The following MYT1L variants were observed in gnomAD, a reference collection of about 807,000 sequenced individuals.
The protein encoded by MYT1L is myelin transcription factor 1-like protein.
In MYT1L, 12 loss-of-function variants were observed where a neutral mutation model predicts 126.7. The observed-to-expected ratio is 0.09, with a 90% confidence interval of 0.06 to 0.15. The LOEUF is 0.15. Ranked by LOEUF, MYT1L falls within the 10% of genes least tolerant of loss-of-function variation. MYT1L has a pLI of 1.00. For synonymous variants in MYT1L, 541 were observed against 604.2 expected (o/e 0.90, Z 1.53); for missense variants, 979 against 1,585.2 (o/e 0.62, Z 6.49).
intron 4 of MYT1L, among the ~76,000 whole-genome samples, chr2:2,027,855 G>A (rs895072765): frequency 5.3e-5 from 8 of 152,110 alleles, no homozygotes; most frequent in African/African-American, 1.7e-4. Flanking sequence ...AGTGGCCAAG[G>A]GCTCCTGCAG....
chr2:2,164,828 T>C (rs556312631), intron 3 of MYT1L, among the ~76,000 whole-genome samples: 1 of 152,208 alleles, frequency 6.6e-6, no homozygotes, highest in Non-Finnish European at 1.5e-5. Context: ...AGGACTGCAT[T>C]CCATGTACAC....
chr2:2,119,640 G>A (rs916801282), intron 3 of MYT1L, among the ~76,000 whole-genome samples: 1 of 152,178 alleles, frequency 6.6e-6, no homozygotes, highest in South Asian at 2.1e-4. Flanking sequence ...CTCAGCCCAG[G>A]TTTAACCTCA....
intron 3 of MYT1L, among the ~76,000 whole-genome samples, chr2:2,119,885 C>G (rs1010290477): frequency 1.3e-5 from 2 of 151,950 alleles, no homozygotes; most frequent in Non-Finnish European, 2.9e-5. Flanking sequence ...AGCTATCTTA[C>G]GTCACTTACA....
chr2:2,234,010 G>A (rs1477189943), intron 2 of MYT1L, among the ~76,000 whole-genome samples: 1 of 152,216 alleles, frequency 6.6e-6, no homozygotes, highest in Non-Finnish European at 1.5e-5. Flanking sequence ...ATAAGTCCAT[G>A]CTTGTTTTGT....
intron 14 of MYT1L, among the ~76,000 whole-genome samples, chr2:1,896,180 A>C (rs919477301): frequency 6.6e-6 from 1 of 152,214 alleles, no homozygotes; most frequent in Non-Finnish European, 1.5e-5. Context: ...TTAAAAAGCC[A>C]AAAACAGCAG....
intron 23 of MYT1L, among the ~76,000 whole-genome samples, chr2:1,796,879 C>G (rs1049722658): frequency 2.0e-5 from 3 of 152,172 alleles, no homozygotes; most frequent in African/African-American, 7.2e-5. Context: ...ATGCCGCTTG[C>G]CCAGGCCGTG....
rs1170387672 is a variant in MYT1L at position 1,912,933 on chromosome 2, G to A, written c.1619-823C>T. On this transcript the variant is annotated intron_variant, in intron 11 of 24. Coordinates refer to ENST00000647738, the MANE Select transcript of MYT1L (RefSeq NM_001303052.2). This position sits in a 1 kb window ranked among gnomAD's most constrained non-coding sequence, Gnocchi z 4.3. ...CTGGGTTCTGGGGGAAGGTTAGCAG[G>A]GACGAAGGGACCCCCACACGGACCC... Among the ~76,000 whole-genome samples the A allele has an allele frequency of 1.3e-5, 2 of 152,096 alleles. No individual in the cohort carries two copies. The highest frequency in any genetic ancestry group is 4.8e-5 in the African/African-American group (2 of 41,406).
intron 3 of MYT1L, among the ~76,000 whole-genome samples, chr2:2,159,118 G>T (rs745573353): frequency 6.6e-6 from 1 of 152,174 alleles, no homozygotes; most frequent in Non-Finnish European, 1.5e-5. Context: ...CCGGCACGGG[G>T]ACATGTGAAG....
intron 4 of MYT1L, among the ~76,000 whole-genome samples, chr2:2,033,610 A>G (rs1474697263): frequency 6.6e-6 from 1 of 151,848 alleles, no homozygotes; most frequent in Non-Finnish European, 1.5e-5. Flanking sequence ...AGGAACAAAC[A>G]TTAAAAAAAA....
intron 8 of MYT1L, among the ~76,000 whole-genome samples, chr2:1,962,914 T>C (rs1273611072): frequency 6.6e-6 from 1 of 152,246 alleles, no homozygotes; most frequent in African/African-American, 2.4e-5. Flanking sequence ...TTCCAAATTC[T>C]TGTTAATGTT....
rs553328647 is a variant in MYT1L at position 1,944,035 on chromosome 2, C to T, written c.153-701G>A. On this transcript the variant is annotated intron_variant, in intron 8 of 24. Coordinates refer to ENST00000647738, the MANE Select transcript of MYT1L (RefSeq NM_001303052.2). ...CCACTAAATCACGCTGAAATTGGCC[C>T]AGGCTTGGATGAGACCCTTCCTTAC... is the stretch of plus-strand genomic sequence containing the variant. Among the ~76,000 whole-genome samples, 9 of 152,258 alleles carry T rather than the reference C, an allele frequency of 5.9e-5. 1 individual carries two copies. The South Asian group carries it at 1.9e-3, about 32-fold the overall frequency.
chr2:2,142,907 A>C (rs1268920484), intron 3 of MYT1L, among the ~76,000 whole-genome samples: 1 of 151,634 alleles, frequency 6.6e-6, no homozygotes, highest in Non-Finnish European at 1.5e-5. Context: ...GGGTGGTCTC[A>C]AACTCCTGAC....
chr2:2,073,778 C>T (rs757454512), intron 3 of MYT1L, among the ~76,000 whole-genome samples: 2 of 152,176 alleles, frequency 1.3e-5, no homozygotes, highest in Non-Finnish European at 2.9e-5. Context: ...AGCGTTCTTT[C>T]TCCCTCCCAC....
chr2:2,211,991 G>C (rs886321079), intron 2 of MYT1L, among the ~76,000 whole-genome samples: 1 of 151,954 alleles, frequency 6.6e-6, no homozygotes, highest in Non-Finnish European at 1.5e-5. Flanking sequence ...GCAATACAGA[G>C]CAGAATGCCA....
chr2:2,265,876 G>A (rs1254757677), intron 2 of MYT1L, among the ~76,000 whole-genome samples: 5 of 152,308 alleles, frequency 3.3e-5, no homozygotes, highest in Non-Finnish European at 5.9e-5. Context: ...AAGGAGGCAT[G>A]GATGGAGGGA....
chr2:2,109,538 T>C (rs2079128785), intron 3 of MYT1L, among the ~76,000 whole-genome samples: 1 of 151,962 alleles, frequency 6.6e-6, no homozygotes, highest in South Asian at 2.1e-4. Context: ...GCCCTTTCTT[T>C]AGCTTTCTTA....
Position 2,080,756 on chromosome 2 carries a change from T to C in MYT1L, c.-303-26633A>G, listed in dbSNP as rs147290153. Among the ~76,000 whole-genome samples the C allele has an allele frequency of 2.4e-4, 36 of 152,340 alleles. 1 individual carries two copies. The East Asian group carries it at 5.2e-3, about 22-fold the overall frequency. On this transcript the variant is annotated intron_variant, in intron 3 of 24. Coordinates refer to ENST00000647738, the MANE Select transcript of MYT1L (RefSeq NM_001303052.2). ...AACTCTCATACATTGCAGGTGGGAA[T>C]ATAAAATATTGCAGCTACTTTGACA...
intron 8 of MYT1L, among the ~76,000 whole-genome samples, chr2:1,945,759 A>G (rs575989635): frequency 8.5e-5 from 13 of 152,354 alleles, no homozygotes; most frequent in Admixed American, 3.9e-4. Context: ...GATAATAACA[A>G]GAAACTTTTG....
At chr2:2,166,210 G>A (rs1279218416) in intron 3 of MYT1L, among the ~76,000 whole-genome samples, 2 of 151,378 alleles carry the variant, frequency 1.3e-5, no homozygotes, top group Non-Finnish European at 2.9e-5. Context: ...CTCTCCCACC[G>A]TTATAAACTC....
Sources: allele counts gnomAD v4.1 joint callset (sites outside exome capture counted in the v4.1 genomes callset), GRCh38; gene constraint gnomAD v4.1.1; non-coding constraint Gnocchi (gnomAD v3.1); transcripts MANE v1.5; gene names NCBI Gene and HGNC (gene_info 2026-07-23, HGNC 2026-07-21).